TBK1: variants seen among roughly 807,000 people sequenced by gnomAD.
TBK1 encodes serine/threonine-protein kinase TBK1.
TBK1 carries 37 observed loss-of-function variants against 99.9 expected under a neutral mutation model. That is an observed-to-expected ratio of 0.37 (90% CI 0.28 to 0.49). The LOEUF (loss-of-function observed/expected upper bound fraction) is 0.49, where lower values mean the gene tolerates loss of function less well. Ranked by LOEUF, TBK1 falls within the 20% of genes least tolerant of loss-of-function variation. The pLI is 0.98. For missense variants in TBK1, 644 were observed against 872.5 expected (o/e 0.74, Z 3.30); for synonymous variants, 258 against 279.8 (o/e 0.92, Z 0.78).
chr12:64,460,083 T>C, intron 2 of TBK1, 106 bp from the exon 3 acceptor site: 1 of 711,752 alleles, frequency 1.4e-6, no homozygotes, highest in Non-Finnish European at 2.1e-6. Context: ...AAAAGATGCA[T>C]GATGTTCTGT....
At chr12:64,477,351 A>G (rs770652541) in intron 6 of TBK1, among the ~76,000 whole-genome samples, 5 of 152,010 alleles carry the variant, frequency 3.3e-5, no homozygotes, top group Non-Finnish European at 7.4e-5. Flanking sequence ...CAGCGGTGTT[A>G]GTTCTTGTAG....
chr12:64,465,817 A>G (rs1191280340), intron 4 of TBK1, among the ~76,000 whole-genome samples: 1 of 152,210 alleles, frequency 6.6e-6, no homozygotes, highest in Non-Finnish European at 1.5e-5. Context: ...TTGGTGTGAC[A>G]AAAGTATTCT....
At chr12:64,483,004 G>A (rs1033964837) in intron 8 of TBK1, among the ~76,000 whole-genome samples, 4 of 152,168 alleles carry the variant, frequency 2.6e-5, no homozygotes, top group African/African-American at 7.2e-5. Context: ...GGGGAAGCTG[G>A]GAGAAGAATA....
rs189736337 is a variant in TBK1 at position 64,457,812 on chromosome 12, A to G, written c.87+1855A>G. 1.4e-4 allele frequency among the ~76,000 whole-genome samples: 22 copies of G among 152,340 alleles called. No homozygotes were observed. In the East Asian group the frequency reaches 4.0e-3, roughly 28 times the overall value. On this transcript the variant is annotated intron_variant, in intron 2 of 20. Coordinates refer to ENST00000331710, the MANE Select transcript of TBK1 (RefSeq NM_013254.4). ...TATGCACTCTGTAAATGTTTGCTGA[A>G]TGAAAGAATAAGTGAATGAATGAGG...
chr12:64,499,947 C>T (rs2040971511), intron 20 of TBK1, among the ~76,000 whole-genome samples: 1 of 152,064 alleles, frequency 6.6e-6, no homozygotes, highest in South Asian at 2.1e-4. Context: ...CCACCTGCCT[C>T]GGCCTCCCTG....
chr12:64,479,975 G>T (rs1406279889), intron 6 of TBK1, 37 bp from the exon 7 acceptor site: 1 of 1,487,310 alleles, frequency 6.7e-7, no homozygotes, highest in South Asian at 1.2e-5. Context: ...ATGCAAAAAT[G>T]AACTGCTTAT....
intron 6 of TBK1, among the ~76,000 whole-genome samples, chr12:64,477,467 G>A (rs946201740): frequency 6.6e-6 from 1 of 152,116 alleles, no homozygotes; most frequent in African/African-American, 2.4e-5. Flanking sequence ...CTTTGTCCGT[G>A]TATAGAAATG....
At chr12:64,469,863 C>T (rs1352767091) in intron 5 of TBK1, among the ~76,000 whole-genome samples, 1 of 152,070 alleles carries the variant, frequency 6.6e-6, no homozygotes, top group Non-Finnish European at 1.5e-5. Context: ...CCAGGCCCAG[C>T]TCCTTGTCTC....
chr12:64,461,479 G>A (rs1480632039), intron 3 of TBK1, among the ~76,000 whole-genome samples: 2 of 152,104 alleles, frequency 1.3e-5, no homozygotes, highest in Non-Finnish European at 2.9e-5. Context: ...TATTTCTTAG[G>A]AAGTAATCAG....
rs761558533 is a variant in TBK1, at chr12:64,495,601, G to A, written c.1640G>A (p.Arg547Lys). Residue 547 changes from arginine to lysine, a missense_variant, in exon 14 of 21, where the codon AGA becomes AAA. Physicochemically the swap from Arg to Lys is conservative, Grantham distance 26. Coordinates refer to ENST00000331710, the MANE Select transcript of TBK1 (RefSeq NM_013254.4). The stretch of plus-strand genomic sequence containing the variant: ...CAAGAAGGCACTCATCCGAAAGACA[G>A]AAAGTAGGTTATAGCTTTATGCGTA... Reference protein sequence around the residue: ...AHQEGTHPKDRNVEKLQVLLN... With the variant: ...AHQEGTHPKDKNVEKLQVLLN... 2 of 1,613,762 alleles carry A rather than the reference G, an allele frequency of 1.2e-6. No homozygotes were observed. The highest frequency in any genetic ancestry group is 2.7e-5 in the African/African-American group (2 of 74,894).
intron 3 of TBK1, among the ~76,000 whole-genome samples, chr12:64,462,570 T>G (rs1196432130): frequency 1.3e-5 from 2 of 152,184 alleles, no homozygotes; most frequent in Non-Finnish European, 2.9e-5. Flanking sequence ...CAACATACAT[T>G]ATCATTTAAA....
intron 5 of TBK1, among the ~76,000 whole-genome samples, chr12:64,471,186 T>C (rs1412573145): frequency 1.3e-5 from 2 of 152,174 alleles, no homozygotes; most frequent in Non-Finnish European, 2.9e-5. Flanking sequence ...GTTGTTGTTA[T>C]TGTGACAGAG....
Position 64,455,934 on chromosome 12 carries a change from A to C in TBK1, c.64A>C (p.Asn22His), listed in dbSNP as rs576726084. The C allele has an allele frequency of 6.2e-6, 10 of 1,613,700 alleles. No homozygotes were observed. Among genetic ancestry groups the C allele is most frequent in the Non-Finnish European group, 8.5e-6 (10 of 1,179,886 alleles). Residue 22 changes from asparagine (N) to histidine (H), a missense_variant, in exon 2 of 21, where the codon AAT becomes CAT. Transcript: ENST00000331710. Reference protein sequence around the residue: ...SDILGQGATANVFRGRHKKTG... With the variant: ...SDILGQGATAHVFRGRHKKTG... The stretch of plus-strand genomic sequence containing the variant: ...TATTTTAGGCCAAGGAGCTACTGCA[A>C]ATGTCTTTCGTGGAAGACATAAGGT...
At chr12:64,456,676 T>C (rs2040491192) in intron 2 of TBK1, among the ~76,000 whole-genome samples, 1 of 151,666 alleles carries the variant, frequency 6.6e-6, no homozygotes, top group African/African-American at 2.4e-5. Context: ...CCGTCTCTAC[T>C]AAAAATACAA....
intron 2 of TBK1, among the ~76,000 whole-genome samples, chr12:64,456,244 C>T (rs1468290620): frequency 6.6e-6 from 1 of 152,120 alleles, no homozygotes; most frequent in Non-Finnish European, 1.5e-5. Flanking sequence ...GCCCAGCTCC[C>T]TAATGGTAGA....
At chr12:64,482,239 AAACTGT>A (rs2136076383) in intron 8 of TBK1, among the ~76,000 whole-genome samples, 1 of 152,308 alleles carries the variant, frequency 6.6e-6, no homozygotes, top group East Asian at 1.9e-4. Flanking sequence ...CTTGTTTCTT[AAACTGT>A]AAGTTTTACA....
chr12:64,477,917 T>C (rs1055877675), intron 6 of TBK1, among the ~76,000 whole-genome samples: 12 of 152,224 alleles, frequency 7.9e-5, no homozygotes, highest in Non-Finnish European at 1.8e-4. Flanking sequence ...TTTCTAGATG[T>C]GAAATTAATT....
At chr12:64,459,612 A>G (rs1257007069) in intron 2 of TBK1, among the ~76,000 whole-genome samples, 3 of 152,208 alleles carry the variant, frequency 2.0e-5, no homozygotes, top group Admixed American at 6.5e-5. Context: ...CAGCAGGGGC[A>G]GAAACCAACC....
chr12:64,476,379 C>A (rs1388846619), intron 6 of TBK1, among the ~76,000 whole-genome samples: 1 of 151,666 alleles, frequency 6.6e-6, no homozygotes, highest in Non-Finnish European at 1.5e-5. Context: ...AGGATGGTCT[C>A]GATCTCCTGA....
Sources: allele counts gnomAD v4.1 joint callset (sites outside exome capture counted in the v4.1 genomes callset), GRCh38; gene constraint gnomAD v4.1.1; transcripts MANE v1.5; gene names NCBI Gene and HGNC (gene_info 2026-07-23, HGNC 2026-07-21).